The following MTIF2 variants were observed in gnomAD, a reference collection of about 807,000 sequenced individuals.
The protein encoded by MTIF2 is mitochondrial translational initiation factor 2.
Under a neutral mutation model 83.5 loss-of-function variants are expected in MTIF2, and 71 were observed. The observed-to-expected ratio is 0.85, with a 90% CI of 0.70 to 1.04. The LOEUF is 1.04. Among genes scored for constraint, MTIF2 ranks in the 50% least tolerant of loss-of-function variants. MTIF2 has a pLI of 0.00. For synonymous variants in MTIF2, 319 were observed against 287.1 expected (o/e 1.11, Z -1.12); for missense variants, 957 against 846.5 (o/e 1.13, Z -1.62).
At chr2:55,246,496 A>G in intron 9 of MTIF2, 35 bp from the exon 10 acceptor site, 1 of 1,580,782 alleles carries the variant, frequency 6.3e-7, no homozygotes, top group East Asian at 2.2e-5. Context: ...ATACACATTA[A>G]TAAATATTAT....
intron 8 of MTIF2, among the ~76,000 whole-genome samples, chr2:55,250,283 G>GA (rs1274613107): frequency 2.0e-5 from 3 of 151,908 alleles, no homozygotes; most frequent in Non-Finnish European, 4.4e-5. Flanking sequence ...ATGTTTGGTT[G>GA]AAAAAAATGT....
intron 7 of MTIF2, among the ~76,000 whole-genome samples, chr2:55,253,677 C>T (rs377005801): frequency 5.3e-5 from 8 of 152,112 alleles, no homozygotes; most frequent in East Asian, 1.9e-4. Flanking sequence ...TAGCCAGGCA[C>T]GGTGGTGCAC....
At position 55,254,187 on chromosome 2, in the gene MTIF2, G is replaced by A; in HGVS notation, c.518C>T (p.Pro173Leu). The change falls in exon 7 of 16, where the codon CCA (proline) becomes CTA (leucine). Residue 173 changes from proline (P) to leucine (L), a missense_variant. Pro to Leu is a moderately conservative substitution (Grantham distance 98, BLOSUM62 -3). Around this residue, in one of 3 missense-constraint regions of MTIF2, gnomAD observed 733 missense variants for 648.7 expected, o/e 1.13. Transcript: ENST00000263629. Reference sequence around the variant, plus strand: ...TGGGGACCTTGGGGTTAATAAAGCTGGATCTGCCTGGGGCCTACAATTAAC... The same window carrying A: ...TGGGGACCTTGGGGTTAATAAAGCTAGATCTGCCTGGGGCCTACAATTAAC... ...KDAVRRPQAD[P>L]ALLTPRSPVV... 6.2e-7 allele frequency: 1 copy of A among 1,613,820 alleles called. No homozygotes were observed. The highest frequency in any genetic ancestry group is 1.3e-5 in the African/African-American group (1 of 75,044).
intron 5 of MTIF2, among the ~76,000 whole-genome samples, chr2:55,261,153 A>AT (rs1677950738): frequency 6.6e-6 from 1 of 151,826 alleles, no homozygotes; most frequent in African/African-American, 2.4e-5. Flanking sequence ...GGCCCAGCTA[A>AT]TTTTTTTTGT....
rs59068934 is a variant in MTIF2, at chr2:55,256,301, T to TACACACACACAC, written c.332-1488_332-1477dup. On this transcript the variant is annotated intron_variant, in intron 5 of 15. Coordinates refer to ENST00000263629, the MANE Select transcript of MTIF2 (RefSeq NM_002453.3). ...TAGTATGTACAGACATACACACATA[T>TACACACACACAC]ACACACACACACACACACACACACA... 4.0e-5 allele frequency among the ~76,000 whole-genome samples: 6 copies of TACACACACACAC among 149,824 alleles called. No individual in the cohort carries two copies. The South Asian group carries it at 1.3e-3, about 31-fold the overall frequency.
chr2:55,241,744 G>A (rs1240580842), intron 13 of MTIF2, among the ~76,000 whole-genome samples: 2 of 151,320 alleles, frequency 1.3e-5, no homozygotes, highest in African/African-American at 2.4e-5. Flanking sequence ...TCGGGAAGCT[G>A]GGGCAGGAGA....
chr2:55,264,359 A>T (rs1027161606), intron 3 of MTIF2, among the ~76,000 whole-genome samples: 5 of 152,008 alleles, frequency 3.3e-5, no homozygotes, highest in African/African-American at 4.8e-5. Flanking sequence ...AGCCTCCCTA[A>T]TAGCTGGGAC....
In MTIF2 at chr2:55,237,300, C is replaced by T. The variant is rs1015232206; in HGVS notation, c.1999G>A (p.Val667Ile). ...KKFKLTRNGHVIWKGSLTSLK... is the reference protein window; with the variant it reads ...KKFKLTRNGHIIWKGSLTSLK... Reference sequence around the variant, plus strand: ...TGATGTTGCTTACCCTTCCAAATTACATGTCCATTACGGGTTAGTTTAAAT... The same window carrying T: ...TGATGTTGCTTACCCTTCCAAATTATATGTCCATTACGGGTTAGTTTAAAT... Residue 667 changes from valine to isoleucine, a missense_variant, in exon 15 of 16, where the codon GTA (valine) becomes ATA (isoleucine). Physicochemically the swap from Val to Ile is conservative, Grantham distance 29. Around this residue, in one of 3 missense-constraint regions of MTIF2, gnomAD observed 221 missense variants for 180.6 expected, o/e 1.22. Coordinates refer to ENST00000263629, the MANE Select transcript of MTIF2 (RefSeq NM_002453.3). The T allele has an allele frequency of 2.5e-6, 4 of 1,611,678 alleles. No homozygotes were observed. The highest frequency in any genetic ancestry group is 3.4e-6 in the Non-Finnish European group (4 of 1,179,566).
intron 13 of MTIF2, among the ~76,000 whole-genome samples, chr2:55,241,848 A>G (rs944883845): frequency 1.3e-5 from 2 of 151,962 alleles, no homozygotes; most frequent in African/African-American, 4.8e-5. Flanking sequence ...CGTCTCAAGA[A>G]AAAGAAGTCA....
rs775459731 is a variant in MTIF2 at position 55,262,431 on chromosome 2, T to C, written c.220-4A>G. The stretch of plus-strand genomic sequence containing the variant: ...GAGATTTCCATGGTCCTTCTTCCTA[T>C]TAAAAAAATCAGAACATATAAACAA... On this transcript the variant is annotated splice_region_variant and splice_polypyrimidine_tract_variant and intron_variant, in intron 4 of 15. Coordinates refer to ENST00000263629, the MANE Select transcript of MTIF2 (RefSeq NM_002453.3). 6.3e-7 allele frequency: 1 copy of C among 1,589,910 alleles called. No individual in the cohort carries two copies. The highest frequency in any genetic ancestry group is 8.6e-7 in the Non-Finnish European group (1 of 1,165,374).
chr2:55,237,303 G>A lies in MTIF2; in HGVS notation c.1996C>T (p.His666Tyr). 6.2e-7 allele frequency: 1 copy of A among 1,612,298 alleles called. No homozygotes were observed. Among genetic ancestry groups the A allele is most frequent in the South Asian group, 1.1e-5 (1 of 90,774 alleles). Residue 666 changes from histidine (H) to tyrosine (Y), a missense_variant, in exon 15 of 16, where the codon CAT (histidine) becomes TAT (tyrosine). By Grantham distance (83) the His-to-Tyr change is moderately conservative (BLOSUM62 2). Coordinates refer to ENST00000263629, the MANE Select transcript of MTIF2 (RefSeq NM_002453.3). ...QKKFKLTRNG[H>Y]VIWKGSLTSL... ...TGTTGCTTACCCTTCCAAATTACAT[G>A]TCCATTACGGGTTAGTTTAAATTTT...
At chr2:55,242,592 A>T (rs1573858961) in intron 13 of MTIF2, among the ~76,000 whole-genome samples, 1 of 152,350 alleles carries the variant, frequency 6.6e-6, no homozygotes, top group South Asian at 2.1e-4. Flanking sequence ...TGTTAGGAAC[A>T]TTCAGAAGTC....
At chr2:55,238,548 C>T (rs901572386) in intron 14 of MTIF2, among the ~76,000 whole-genome samples, 3 of 151,998 alleles carry the variant, frequency 2.0e-5, no homozygotes, top group African/African-American at 4.8e-5. Context: ...TGCGCCACCA[C>T]GCCTGGCTAA....
chr2:55,252,488 T>G lies in MTIF2; in HGVS notation c.830A>C (p.Lys277Thr), dbSNP rs1241459392. Residue 277 changes from lysine (K) to threonine (T), a missense_variant, in exon 8 of 16, where the codon AAA becomes ACA. By Grantham distance (78) the Lys-to-Thr change is moderately conservative (BLOSUM62 -1). Coordinates refer to ENST00000263629, the MANE Select transcript of MTIF2 (RefSeq NM_002453.3). ...CAGCCACACAGTACCCTGTGCATCTTTGGCATGCTGAATAGATTCTACAGT... is the reference window on the plus strand; with the variant it reads ...CAGCCACACAGTACCCTGTGCATCTGTGGCATGCTGAATAGATTCTACAGT... Reference protein sequence around the residue: ...KQTVESIQHAKDAQVPIILAV... With the variant: ...KQTVESIQHATDAQVPIILAV... The G allele has an allele frequency of 5.6e-6, 9 of 1,614,086 alleles. No homozygotes were observed. Among genetic ancestry groups the G allele is most frequent in the Admixed American group, 1.7e-5 (1 of 60,002 alleles).
Position 55,236,793 on chromosome 2 carries a change from T to C in MTIF2, c.2039A>G (p.Lys680Arg). Reference protein sequence around the residue: ...KGSLTSLKHHKDDISIVKTGM... With the variant: ...KGSLTSLKHHRDDISIVKTGM... Reference sequence around the variant, plus strand: ...CGTTTTGACAATTGAAATGTCATCTTTATGGTGTTTCAATGAGGTTAATGA... The same window carrying C: ...CGTTTTGACAATTGAAATGTCATCTCTATGGTGTTTCAATGAGGTTAATGA... The change falls in exon 16 of 16, where the codon AAA becomes AGA. Residue 680 changes from lysine to arginine, a missense_variant. By Grantham distance (26) the Lys-to-Arg change is conservative (BLOSUM62 2). Coordinates refer to ENST00000263629, the MANE Select transcript of MTIF2 (RefSeq NM_002453.3). The C allele has an allele frequency of 1.2e-6, 2 of 1,606,720 alleles. No homozygotes were observed. The highest frequency in any genetic ancestry group is 1.7e-6 in the Non-Finnish European group (2 of 1,178,264).
chr2:55,262,173 A>C lies in MTIF2; in HGVS notation c.331+143T>G. On this transcript the variant is annotated intron_variant, in intron 5 of 15. Coordinates refer to ENST00000263629, the MANE Select transcript of MTIF2 (RefSeq NM_002453.3). ...GAAACTAACTAGGGATTATGACTTAAAGTGAAGAATATTACAATGACTTAA... is the reference window on the plus strand; with the variant it reads ...GAAACTAACTAGGGATTATGACTTACAGTGAAGAATATTACAATGACTTAA... 1.6e-5 allele frequency: 10 copies of C among 645,120 alleles called. No individual in the cohort carries two copies. The South Asian group carries it at 1.9e-4, about 12-fold the overall frequency. 40.0% of individuals were successfully genotyped at this position (645,120 alleles called of 1,614,324 possible).
At chr2:55,262,747 GAGAC>G (rs1678124078) in intron 4 of MTIF2, among the ~76,000 whole-genome samples, 1 of 149,236 alleles carries the variant, frequency 6.7e-6, no homozygotes, top group African/African-American at 2.5e-5. Flanking sequence ...GTTTTGTTTT[GAGAC>G]AGAGTCTAAC....
At chr2:55,265,790 A>G (rs1239671561) in intron 3 of MTIF2, among the ~76,000 whole-genome samples, 3 of 152,230 alleles carry the variant, frequency 2.0e-5, no homozygotes, top group Non-Finnish European at 4.4e-5. Context: ...ATTACTAATC[A>G]GCCCTTTGTA....
Position 55,254,056 on chromosome 2 carries a change from T to C in MTIF2, c.649A>G (p.Ile217Val). 1 of 1,614,114 alleles carries C rather than the reference T, an allele frequency of 6.2e-7. No individual in the cohort carries two copies. Among genetic ancestry groups the C allele is most frequent in the South Asian group, 1.1e-5 (1 of 91,070 alleles). Residue 217 changes from isoleucine to valine, a missense_variant, in exon 7 of 16, where the codon ATT (isoleucine) becomes GTT (valine). Transcript: ENST00000263629. ...GTGTTCATACCAAGAAAGGCACCAA[T>C]GTGCTGAGTGATGCCTCCAGTTTCC... The part of the protein sequence containing the change: ...AVETGGITQH[I>V]GAFLVSLPSG...
Sources: gnomAD v4.1 joint callset for allele counts (sites outside exome capture counted in the v4.1 genomes callset) on GRCh38, gnomAD v4.1.1 for gene constraint, gnomAD v4.1.1 regional missense constraint, MANE v1.5 for transcripts, NCBI Gene and HGNC (gene_info 2026-07-23, HGNC 2026-07-21) for gene names.